OR2L13: variants seen among roughly 807,000 people sequenced by gnomAD.
The protein encoded by OR2L13 is olfactory receptor family 2 subfamily L member 13.
In OR2L13, 14 loss-of-function variants were observed where a neutral mutation model predicts 15.3. The ratio of observed to expected loss-of-function variants is 0.91; its 90% CI spans 0.60 to 1.43. The LOEUF (loss-of-function observed/expected upper bound fraction) is 1.43, where lower values mean the gene tolerates loss of function less well. Among genes scored for constraint, OR2L13 ranks in the 40% most tolerant of loss-of-function variants. OR2L13 has a pLI of 0.00. For missense variants in OR2L13, 367 were observed against 387.9 expected, an observed-to-expected ratio of 0.95 and a Z score of 0.45; for synonymous variants, 152 against 142.9, an observed-to-expected ratio of 1.06 and a Z score of -0.45.
the OR2L13 span, among the ~76,000 whole-genome samples, chr1:248,028,715 T>C: frequency 1.3e-5 from 2 of 152,348 alleles, no homozygotes; most frequent in East Asian, 3.9e-4. Flanking sequence ...GGATATGTAT[T>C]TCAGGAATAA....
the OR2L13 span, among the ~76,000 whole-genome samples, chr1:248,052,044 A>C: frequency 6.6e-6 from 1 of 152,172 alleles, no homozygotes; most frequent in East Asian, 1.9e-4. Context: ...AATTTTTTCA[A>C]CTTGCAGTGG....
the OR2L13 span, among the ~76,000 whole-genome samples, chr1:248,058,287 A>AC: frequency 1.3e-5 from 2 of 152,210 alleles, no homozygotes; most frequent in South Asian, 2.1e-4. Flanking sequence ...TTCAGACAAT[A>AC]CATTCATCTG....
the OR2L13 span, among the ~76,000 whole-genome samples, chr1:248,031,619 C>T: frequency 2.0e-5 from 3 of 152,298 alleles, no homozygotes; most frequent in Middle Eastern, 3.4e-3. Context: ...CAGAGCTGGG[C>T]TGTAAATTGA....
the OR2L13 span, chr1:248,003,405 C>G: frequency 6.2e-7 from 1 of 1,609,782 alleles, no homozygotes; most frequent in Admixed American, 1.7e-5. Context: ...AAGTCTATCT[C>G]CTTCACTGGG....
At chr1:248,080,088 G>T in the OR2L13 span, among the ~76,000 whole-genome samples, 6,216 of 152,044 alleles carry the variant, frequency 0.041, 418 homozygotes, top group African/African-American at 0.14. Flanking sequence ...ACAAAAGGAA[G>T]ACATAAAGGG....
At chr1:248,053,543 A>G in the OR2L13 span, among the ~76,000 whole-genome samples, 3 of 152,334 alleles carry the variant, frequency 2.0e-5, no homozygotes, top group Non-Finnish European at 4.4e-5. Context: ...GTCTTCCACG[A>G]TGGGTGAACT....
chr1:248,021,400 A>G, the OR2L13 span, among the ~76,000 whole-genome samples: 1 of 152,200 alleles, frequency 6.6e-6, no homozygotes, highest in African/African-American at 2.4e-5. Flanking sequence ...CTATTCTATA[A>G]GTAGTCCCCT....
chr1:248,073,369 C>T, the OR2L13 span, among the ~76,000 whole-genome samples: 5 of 152,002 alleles, frequency 3.3e-5, no homozygotes, highest in East Asian at 1.9e-4. Context: ...AGTAAGCTAT[C>T]GCAAGGACAA....
the OR2L13 span, among the ~76,000 whole-genome samples, chr1:248,014,704 T>G: frequency 1.3e-5 from 2 of 152,106 alleles, no homozygotes; most frequent in Non-Finnish European, 2.9e-5. Flanking sequence ...ATGCTGAAAC[T>G]TGTAGATTCT....
the OR2L13 span, among the ~76,000 whole-genome samples, chr1:247,992,112 ACTACTCAGC>A: frequency 6.7e-6 from 1 of 148,934 alleles, no homozygotes; most frequent in African/African-American, 2.5e-5. Context: ...TCCTCTTCCT[ACTACTCAGC>A]CTACTCAATG....
the OR2L13 span, among the ~76,000 whole-genome samples, chr1:248,068,278 C>A: frequency 2.7e-4 from 41 of 151,926 alleles, 1 homozygote; most frequent in South Asian, 1.0e-3. Context: ...CTCACACGGC[C>A]GGGTACTCCT....
the OR2L13 span, among the ~76,000 whole-genome samples, chr1:247,956,633 G>A: frequency 1.3e-5 from 2 of 151,866 alleles, no homozygotes; most frequent in Non-Finnish European, 2.9e-5. Context: ...GCAGTGGTTT[G>A]TAGTTGTCCT....
At chr1:248,070,188 C>A in the OR2L13 span, among the ~76,000 whole-genome samples, 13,682 of 152,154 alleles carry the variant, frequency 0.09, 825 homozygotes, top group African/African-American at 0.17. Context: ...TTCAGCACCA[C>A]AACACGCCTA....
the OR2L13 span, among the ~76,000 whole-genome samples, chr1:248,048,356 T>A: frequency 6.6e-6 from 1 of 152,226 alleles, no homozygotes; most frequent in Non-Finnish European, 1.5e-5. Flanking sequence ...TAAGATCAGT[T>A]ATTCCTAAGT....
At chr1:247,963,971 A>G in the OR2L13 span, among the ~76,000 whole-genome samples, 2 of 152,358 alleles carry the variant, frequency 1.3e-5, no homozygotes, top group East Asian at 3.9e-4. Context: ...ACCACTTGCC[A>G]GTTCAGGATA....
At chr1:248,074,199 A>G in the OR2L13 span, among the ~76,000 whole-genome samples, 1 of 152,258 alleles carries the variant, frequency 6.6e-6, no homozygotes, top group Admixed American at 6.5e-5. Context: ...ACATATATCA[A>G]TGACCAGTAA....
chr1:248,022,841 G>C, the OR2L13 span: 1 of 1,612,810 alleles, frequency 6.2e-7, no homozygotes, highest in Non-Finnish European at 8.5e-7. Context: ...AGGTGATGGG[G>C]GCCCTGACAC....
At chr1:247,977,221 A>G in the OR2L13 span, among the ~76,000 whole-genome samples, 6 of 152,194 alleles carry the variant, frequency 3.9e-5, no homozygotes, top group East Asian at 9.6e-4. Flanking sequence ...AAGCATGTTT[A>G]TGTATTCTTA....
At chr1:247,985,684 C>A in the OR2L13 span, among the ~76,000 whole-genome samples, 1 of 152,028 alleles carries the variant, frequency 6.6e-6, no homozygotes, top group Non-Finnish European at 1.5e-5. Flanking sequence ...GGAATCGCCA[C>A]ACTGACTTCC....
Sources: gnomAD v4.1 joint callset for allele counts (sites outside exome capture counted in the v4.1 genomes callset) on GRCh38, gnomAD v4.1.1 for gene constraint, MANE v1.5 for transcripts, NCBI Gene and HGNC (gene_info 2026-07-23, HGNC 2026-07-21) for gene names.